The following CELA3B variants were observed in gnomAD, a reference collection of about 807,000 sequenced individuals.
CELA3B encodes the protein chymotrypsin-like elastase family member 3B.
Under a neutral mutation model 37.2 loss-of-function variants are expected in CELA3B, and 34 were observed. The observed-to-expected ratio is 0.91, with a 90% CI of 0.70 to 1.22. The LOEUF is 1.22. Ranked by LOEUF, CELA3B falls within the 50% of genes most tolerant of loss-of-function variation. CELA3B has a pLI of 0.00. For missense variants in CELA3B, 340 were observed against 363.1 expected, an observed-to-expected ratio of 0.94 and a Z score of 0.52; for synonymous variants, 127 against 143.5, an observed-to-expected ratio of 0.89 and a Z score of 0.82.
At chr1:21,995,207 G>GCA (rs1252002520) in intron 4 of CELA3B, among the ~76,000 whole-genome samples, 2 of 143,512 alleles carry the variant, frequency 1.4e-5, no homozygotes, top group African/African-American at 5.3e-5. Context: ...GCAGTGGCAT[G>GCA]ACCTCACTGC....
chr1:21,993,102 G>A (rs923002286), downstream of CELA3B, among the ~76,000 whole-genome samples: 25 of 151,130 alleles, frequency 1.7e-4, no homozygotes, highest in South Asian at 4.2e-4. Context: ...ATGTATTTCC[G>A]CACTAAAATA....
At position 21,981,060 on chromosome 1, in the gene CELA3B, G is replaced by T; in HGVS notation, c.250G>T (p.Val84Leu). 1 of 1,614,132 alleles carries T rather than the reference G, an allele frequency of 6.2e-7. No individual in the cohort carries two copies. The highest frequency in any genetic ancestry group is 8.5e-7 in the Non-Finnish European group (1 of 1,180,034). Residue 84 changes from valine to leucine, a missense_variant, in exon 4 of 8, where the codon GTG (valine) becomes TTG (leucine). Physicochemically the swap from Val to Leu is conservative, Grantham distance 32. Transcript: ENST00000337107. ...CISSSRTYQV[V>L]LGEYDRAVKE... is the part of the protein sequence containing the mutation. Reference sequence around the variant, plus strand: ...CAGGAGCTCCCGGACCTACCAGGTGGTGTTGGGCGAGTACGACCGTGCTGT... The same window carrying T: ...CAGGAGCTCCCGGACCTACCAGGTGTTGTTGGGCGAGTACGACCGTGCTGT...
intron 7 of CELA3B, among the ~76,000 whole-genome samples, chr1:21,988,482 T>C (rs1644852036): frequency 6.6e-6 from 1 of 151,258 alleles, no homozygotes; most frequent in African/African-American, 2.4e-5. Flanking sequence ...TCTCAGCTAC[T>C]TGGGAGGCTG....
chr1:21,996,271 A>G (rs1292424904), intron 4 of CELA3B, among the ~76,000 whole-genome samples: 1 of 150,314 alleles, frequency 6.7e-6, no homozygotes, highest in African/African-American at 2.5e-5. Context: ...ATTTTAGGTC[A>G]CAGGATGAGA....
At chr1:21,987,184 A>C (rs1156872619) in intron 7 of CELA3B, among the ~76,000 whole-genome samples, 32 of 148,694 alleles carry the variant, frequency 2.2e-4, no homozygotes, top group Non-Finnish European at 3.6e-4. Flanking sequence ...CTGGGCATGG[A>C]GTAGTCATGC....
Position 21,989,111 on chromosome 1 carries a change from C to T in CELA3B, c.796-151C>T. Reference sequence around the variant, plus strand: ...CCATGAGGTAAGTTCTATCATTATCCCTACTACATAGAGGAGGAAACTGAG... The same window carrying T: ...CCATGAGGTAAGTTCTATCATTATCTCTACTACATAGAGGAGGAAACTGAG... On this transcript the variant is annotated intron_variant, in intron 7 of 7. Coordinates refer to ENST00000337107, the MANE Select transcript of CELA3B (RefSeq NM_007352.4). 4 of 1,466,078 alleles carry T rather than the reference C, an allele frequency of 2.7e-6. No homozygotes were observed. In the South Asian group the frequency reaches 3.6e-5, roughly 13 times the overall value. 90.8% of individuals were successfully genotyped at this position (1,466,078 alleles called of 1,614,324 possible).
At chr1:21,984,467 A>T in intron 6 of CELA3B, 136 bp downstream of exon 6, 2 of 1,239,098 alleles carry the variant, frequency 1.6e-6, no homozygotes, top group Non-Finnish European at 2.2e-6. Context: ...ACTTGGAGGA[A>T]ATCAGCGCAG....
chr1:21,986,357 G>C (rs77736376), intron 6 of CELA3B, among the ~76,000 whole-genome samples, 174 bp from the exon 7 acceptor site: 8,107 of 151,014 alleles, frequency 0.054, 288 homozygotes, highest in Middle Eastern at 0.092. Context: ...GCCTGGACAA[G>C]AGAGCGAGAC....
chr1:21,996,366 A>G (rs761522742), intron 4 of CELA3B, among the ~76,000 whole-genome samples: 6 of 151,110 alleles, frequency 4.0e-5, no homozygotes, highest in Non-Finnish European at 5.9e-5. Flanking sequence ...ACCCTCCAAA[A>G]CAAAGATAGC....
At chr1:21,980,690 T>G (rs1442087264) in intron 2 of CELA3B, 134 bp from the exon 3 acceptor site, 14 of 680,256 alleles carry the variant, frequency 2.1e-5, no homozygotes, top group Non-Finnish European at 3.0e-5. Context: ...ATGCTGCATA[T>G]TTCAGTGGGT....
intron 4 of CELA3B, among the ~76,000 whole-genome samples, chr1:21,997,349 TCAA>T (rs1644895010): frequency 9.7e-5 from 1 of 10,314 alleles, no homozygotes; most frequent in African/African-American, 2.4e-4. Flanking sequence ...ACGACTCATC[TCAA>T]AAAAAAAAAA....
intron 1 of CELA3B, among the ~76,000 whole-genome samples, chr1:21,977,548 CATTG>C (rs1267779960): frequency 6.6e-6 from 1 of 152,124 alleles, no homozygotes; most frequent in Non-Finnish European, 1.5e-5. Flanking sequence ...TAACAGATAA[CATTG>C]ATTGAGTGCT....
chr1:21,987,052 G>T (rs1261531928), intron 7 of CELA3B: 1 of 373,002 alleles, frequency 2.7e-6, no homozygotes, highest in South Asian at 2.2e-5. Flanking sequence ...GATGAGAGCC[G>T]AGAGAGGGGA....
intron 4 of CELA3B, among the ~76,000 whole-genome samples, chr1:21,983,094 A>G (rs1644814643): frequency 6.6e-6 from 1 of 152,224 alleles, no homozygotes; most frequent in Non-Finnish European, 1.5e-5. Flanking sequence ...TCATGCCTGT[A>G]ATCCCAGCAC....
intron 2 of CELA3B, among the ~76,000 whole-genome samples, chr1:21,978,949 A>G (rs1050675190): frequency 1.3e-5 from 2 of 150,786 alleles, no homozygotes; most frequent in Admixed American, 1.3e-4. Context: ...CAGGAGGCTG[A>G]GGCAGGAGAA....
intron 2 of CELA3B, among the ~76,000 whole-genome samples, chr1:21,979,453 C>CTTTTTTTTTT (rs66459906): frequency 1.2e-5 from 1 of 85,448 alleles, no homozygotes; most frequent in African/African-American, 4.2e-5. Context: ...CTTTTCTTTT[C>CTTTTTTTTTT]TTTTTTTTTT....
At chr1:21,991,982 TGG>T (rs1644870783), downstream of CELA3B, among the ~76,000 whole-genome samples, 1 of 98,456 alleles carries the variant, frequency 1.0e-5, no homozygotes, top group Admixed American at 1.5e-4. Flanking sequence ...TAGGCAGGTG[TGG>T]TGGTGGGTGC....
In CELA3B at chr1:21,978,408, G is replaced by T; in HGVS notation, c.83G>T (p.Arg28Leu). Reference sequence around the variant, plus strand: ...CCACCTTCCTCTCGCCCTTCCAGCCGCGTTGTCAATGGTGAGGATGCGGTC... The same window carrying T: ...CCACCTTCCTCTCGCCCTTCCAGCCTCGTTGTCAATGGTGAGGATGCGGTC... ...YGPPSSRPSS[R>L]VVNGEDAVPY... is the part of the protein sequence containing the mutation. The change falls in exon 2 of 8, where the codon CGC (arginine) becomes CTC (leucine). Residue 28 changes from arginine to leucine, a missense_variant. Arg to Leu is a moderately radical substitution (Grantham distance 102). Transcript: ENST00000337107. The T allele has an allele frequency of 6.2e-7, 1 of 1,614,042 alleles. No homozygotes were observed. The highest frequency in any genetic ancestry group is 1.1e-5 in the South Asian group (1 of 91,064).
rs1296614607 is a variant in CELA3B at position 21,995,499 on chromosome 1, C to G, written c.505-2652C>G. 5.3e-5 allele frequency among the ~76,000 whole-genome samples: 8 copies of G among 151,082 alleles called. 1 individual carries two copies. The highest frequency in any genetic ancestry group is 2.0e-4 in the African/African-American group (8 of 40,754). The stretch of plus-strand genomic sequence containing the variant: ...CAGAATGGAAACCACACTTGCCTGT[C>G]TCCCAGGAAGCCAGGTGAGGCTGTG... On this transcript the variant is annotated intron_variant, in intron 4 of 4. Coordinates refer to the CELA3B transcript ENST00000400277.
Sources: gnomAD v4.1 joint callset for allele counts (sites outside exome capture counted in the v4.1 genomes callset) on GRCh38, gnomAD v4.1.1 for gene constraint, MANE v1.5 for transcripts, NCBI Gene and HGNC (gene_info 2026-07-23, HGNC 2026-07-21) for gene names.